The following USP3 variants were observed in gnomAD, a reference collection of about 807,000 sequenced individuals.
USP3 encodes ubiquitin carboxyl-terminal hydrolase 3.
Under a neutral mutation model 72.3 loss-of-function variants are expected in USP3, and 20 were observed. The ratio of observed to expected loss-of-function variants is 0.28; its 90% CI spans 0.19 to 0.40. The LOEUF is 0.40. Among genes scored for constraint, USP3 ranks in the 10% least tolerant of loss-of-function variants. The pLI is 1.00. For synonymous variants in USP3, 222 were observed against 225.3 expected, an observed-to-expected ratio of 0.99 and a Z score of 0.13; for missense variants, 479 against 633.9, an observed-to-expected ratio of 0.76 and a Z score of 2.62.
intron 1 of USP3, among the ~76,000 whole-genome samples, chr15:63,512,383 T>C (rs1242482549): frequency 2.0e-5 from 3 of 151,586 alleles, no homozygotes; most frequent in African/African-American, 7.3e-5. Flanking sequence ...TTCTTCTTTC[T>C]TTTTCTTCTT....
At position 63,558,089 on chromosome 15, in the gene USP3, T is replaced by C. The variant is rs764143492; in HGVS notation, c.451-17T>C. ...TCCCTTGGCATTACTGATGGCCTCT[T>C]CTTGCACCACTTACAGGGAAGCACC... On this transcript the variant is annotated splice_polypyrimidine_tract_variant and intron_variant, in intron 5 of 14. Coordinates refer to ENST00000380324, the MANE Select transcript of USP3 (RefSeq NM_006537.4). 6.2e-7 allele frequency: 1 copy of C among 1,614,166 alleles called. No homozygotes were observed. Among genetic ancestry groups the C allele is most frequent in the South Asian group, 1.1e-5 (1 of 91,086 alleles).
rs2066516423 is a variant in USP3 at position 63,556,748 on chromosome 15, T to C, written c.450T>C (p.Asn150=). 1 of 1,562,460 alleles carries C rather than the reference T, an allele frequency of 6.4e-7. No individual in the cohort carries two copies. Among genetic ancestry groups the C allele is most frequent in the Admixed American group, 1.8e-5 (1 of 55,758 alleles). ...STLNSKLLKV[N]GSTTAICATG... ...TAAACAGCAAGTTATTAAAAGTAAA[T>C]GTAAGTAATTAAAATTTATTCAAAT... The change falls in exon 5 of 15, where the codon AAT becomes AAC. Residue 150 remains asparagine (N), a splice_region_variant and synonymous_variant. Coordinates refer to ENST00000380324, the MANE Select transcript of USP3 (RefSeq NM_006537.4).
intron 1 of USP3, among the ~76,000 whole-genome samples, chr15:63,520,633 G>T (rs908164808): frequency 1.5e-5 from 2 of 133,020 alleles, no homozygotes; most frequent in Non-Finnish European, 3.1e-5. Context: ...ATGCAATCTC[G>T]GCTCACTGCA....
rs35244583 is a variant in USP3 at position 63,520,554 on chromosome 15, A to ATTTTTTTTTTTTTTTTTT, written c.92-12083_92-12066dup. Among the ~76,000 whole-genome samples the ATTTTTTTTTTTTTTTTTT allele has an allele frequency of 4.4e-4, 46 of 105,424 alleles. 22 individuals are homozygous for ATTTTTTTTTTTTTTTTTT. The highest frequency in any genetic ancestry group is 4.4e-4 in the Non-Finnish European group (24 of 53,948). The allele number at this position is 105,424 out of a possible 152,430, so 69.2% of individuals were successfully genotyped here. A position where few individuals can be genotyped will look rare whatever the true frequency, so the allele number is the denominator to read the frequency against. On this transcript the variant is annotated intron_variant, in intron 1 of 14. Transcript: ENST00000380324. ...TTTGTTTGTTTGATTTCTGTTTTAG[A>ATTTTTTTTTTTTTTTTTT]TTTTTTTTTTTTTTTTTTTTTTTTT...
chr15:63,558,852 G>A (rs1291374914), intron 6 of USP3, among the ~76,000 whole-genome samples: 2 of 152,140 alleles, frequency 1.3e-5, no homozygotes, highest in Non-Finnish European at 1.5e-5. Flanking sequence ...TCCAGCCTGG[G>A]TGACAAAGCG....
chr15:63,537,214 C>A (rs995036827), intron 3 of USP3, 58 bp downstream of exon 3: 17 of 1,545,856 alleles, frequency 1.1e-5, no homozygotes, highest in Non-Finnish European at 1.4e-5. Flanking sequence ...TGCTCTCCTC[C>A]CCTCCCTTCC....
chr15:63,566,343 T>C (rs1376156568), intron 8 of USP3, among the ~76,000 whole-genome samples: 1 of 151,998 alleles, frequency 6.6e-6, no homozygotes, highest in Non-Finnish European at 1.5e-5. Context: ...TGAGTCTCGC[T>C]TTGTAGCCGA....
chr15:63,515,622 T>C (rs1358199223), intron 1 of USP3: 3 of 152,242 alleles, frequency 2.0e-5, no homozygotes, highest in Non-Finnish European at 4.4e-5. Context: ...AGTAGGTGCC[T>C]GACCCCAAAT....
At chr15:63,583,431 C>CATG (rs1429526484) in intron 11 of USP3, among the ~76,000 whole-genome samples, 1 of 152,072 alleles carries the variant, frequency 6.6e-6, no homozygotes, top group Non-Finnish European at 1.5e-5. Flanking sequence ...CTCCAGCCTG[C>CATG]ATGACAGAGG....
chr15:63,564,453 T>C (rs2066656448), intron 8 of USP3, among the ~76,000 whole-genome samples: 1 of 152,186 alleles, frequency 6.6e-6, no homozygotes, highest in South Asian at 2.1e-4. Flanking sequence ...GTTAACTAAT[T>C]TGATACTGTT....
At position 63,592,676 on chromosome 15, in the gene USP3, T is replaced by C. The variant is rs775119371; in HGVS notation, c.*1850T>C. On this transcript the variant is annotated 3_prime_UTR_variant, in exon 15 of 15. Transcript: ENST00000380324. ...GTCTTGCACTCCTGGGCTCAAGTGA[T>C]CCACCCACCTTGGCTTCCCAAGGTG... 1 of 151,742 alleles carries C rather than the reference T, an allele frequency of 6.6e-6. No homozygotes were observed. Among genetic ancestry groups the C allele is most frequent in the Non-Finnish European group, 1.5e-5 (1 of 67,958 alleles). The allele number at this position is 151,742 out of a possible 1,614,324, so 9.4% of individuals were successfully genotyped here.
chr15:63,584,686 T>C (rs958723447), intron 11 of USP3, among the ~76,000 whole-genome samples: 1 of 152,210 alleles, frequency 6.6e-6, no homozygotes, highest in Non-Finnish European at 1.5e-5. Flanking sequence ...CTTATCCAGA[T>C]ACATAATTTG....
intron 3 of USP3, among the ~76,000 whole-genome samples, chr15:63,549,912 A>G (rs1275290689): frequency 2.0e-5 from 3 of 152,234 alleles, no homozygotes; most frequent in Non-Finnish European, 4.4e-5. Context: ...AGCAACCAAC[A>G]TTAGCTAATA....
chr15:63,514,261 T>C lies in USP3; in HGVS notation c.91+9431T>C, dbSNP rs532708517. ...TATTTCTAGTTTTTTTCTTCGAATA[T>C]ATAATACAGATTTTTGGGAAAATGT... On this transcript the variant is annotated intron_variant, in intron 1 of 14. Coordinates refer to ENST00000380324, the MANE Select transcript of USP3 (RefSeq NM_006537.4). Among the ~76,000 whole-genome samples the C allele has an allele frequency of 1.1e-3, 173 of 152,288 alleles. 1 individual carries two copies. The highest frequency in any genetic ancestry group is 4.1e-3 in the African/African-American group (170 of 41,572).
At chr15:63,565,037 A>G (rs200500699) in intron 8 of USP3, among the ~76,000 whole-genome samples, 6 of 152,048 alleles carry the variant, frequency 3.9e-5, no homozygotes, top group Admixed American at 6.5e-5. Flanking sequence ...ATTTATGTTT[A>G]TTTATAATCC....
chr15:63,508,324 C>T (rs910642854), intron 1 of USP3, among the ~76,000 whole-genome samples: 1 of 152,208 alleles, frequency 6.6e-6, no homozygotes, highest in African/African-American at 2.4e-5. Flanking sequence ...GTTTATGTTT[C>T]TGTAGAGACC....
intron 9 of USP3, among the ~76,000 whole-genome samples, chr15:63,573,404 A>T (rs1042293091): frequency 6.6e-6 from 1 of 152,200 alleles, no homozygotes; most frequent in Non-Finnish European, 1.5e-5. Context: ...AATCGTTCTT[A>T]AAACAGTATA....
chr15:63,528,345 C>T lies in USP3; in HGVS notation c.92-4302C>T, dbSNP rs548231609. On this transcript the variant is annotated intron_variant, in intron 1 of 14. Transcript: ENST00000380324. The surrounding 1 kb of genome is among the most constrained non-coding windows in gnomAD (Gnocchi z 4.3). Reference sequence around the variant, plus strand: ...GAAATAAATTGCATGGCTTCCTTTTCCCTGACATCACCTTGAAGTGTAATT... The same window carrying T: ...GAAATAAATTGCATGGCTTCCTTTTTCCTGACATCACCTTGAAGTGTAATT... Among the ~76,000 whole-genome samples the T allele has an allele frequency of 6.6e-6, 1 of 152,296 alleles. No homozygotes were observed. Among genetic ancestry groups the T allele is most frequent in the South Asian group, 2.1e-4 (1 of 4,830 alleles).
chr15:63,543,951 T>C (rs1437130725), intron 3 of USP3, among the ~76,000 whole-genome samples: 2 of 151,630 alleles, frequency 1.3e-5, no homozygotes, highest in Non-Finnish European at 2.9e-5. Context: ...GGCTCACACC[T>C]ATAATCCTAG....
Sources: allele counts gnomAD v4.1 joint callset (sites outside exome capture counted in the v4.1 genomes callset), GRCh38; gene constraint gnomAD v4.1.1; non-coding constraint Gnocchi (gnomAD v3.1); transcripts MANE v1.5; gene names NCBI Gene and HGNC (gene_info 2026-07-23, HGNC 2026-07-21).